AFF1: variants seen among roughly 807,000 people sequenced by gnomAD.
The protein encoded by AFF1 is ALF transcription elongation factor 1, also known as AF4/FMR2 family member 1.
In AFF1, 48 loss-of-function variants were observed where a neutral mutation model predicts 121.7. The ratio of observed to expected loss-of-function variants is 0.39; its 90% CI spans 0.31 to 0.50. The LOEUF (loss-of-function observed/expected upper bound fraction) is 0.50, where lower values mean the gene tolerates loss of function less well. Among genes scored for constraint, AFF1 ranks in the 20% least tolerant of loss-of-function variants. The pLI is 0.76. For missense variants in AFF1, 1,523 were observed against 1,511.7 expected, an observed-to-expected ratio of 1.01 and a Z score of -0.12; for synonymous variants, 613 against 563.0, an observed-to-expected ratio of 1.09 and a Z score of -1.26.
At chr4:87,068,277 A>G (rs1401045663) in intron 4 of AFF1, among the ~76,000 whole-genome samples, 1 of 119,068 alleles carries the variant, frequency 8.4e-6, no homozygotes, top group Non-Finnish European at 1.8e-5. Context: ...CACTCCATGA[A>G]TAAATTGCCT....
In AFF1 at chr4:87,114,921, G is replaced by A. The variant is rs147870545; in HGVS notation, c.2088G>A (p.Ala696=). The A allele has an allele frequency of 4.9e-4, 790 of 1,612,552 alleles. 2 individuals carry two copies. The highest frequency in any genetic ancestry group is 2.7e-3 in the African/African-American group (199 of 74,950). The part of the protein sequence containing the change: ...PSKALSGPEP[A]KDNVEDRTPE... ...AGGCTCTCTCAGGCCCAGAACCCGC[G>A]AAGGACAATGTGGAGGACAGGACCC... The change falls in exon 12 of 21, where the codon GCG becomes GCA. Residue 696 remains alanine (A), a synonymous_variant. Coordinates refer to ENST00000395146, the MANE Select transcript of AFF1 (RefSeq NM_001166693.3).
At chr4:86,969,578 A>T (rs1449133380) in intron 2 of AFF1, among the ~76,000 whole-genome samples, 1 of 1,356 alleles carries the variant, frequency 7.4e-4, no homozygotes, top group African/African-American at 8.6e-4. Flanking sequence ...AATAGTTGTT[A>T]AAAAAAAAAA....
intron 2 of AFF1, chr4:87,007,164 A>G (rs1011520281): frequency 8.9e-6 from 12 of 1,342,620 alleles, no homozygotes; most frequent in South Asian, 1.8e-5. Context: ...TCTGAAGTGC[A>G]GATCGCCGCA....
intron 2 of AFF1, 147 bp downstream of exon 2, chr4:86,948,718 T>C: frequency 2.7e-6 from 2 of 746,170 alleles, no homozygotes; most frequent in Non-Finnish European, 4.2e-6. Flanking sequence ...TTTCTCTACA[T>C]GAAGTCAAAC....
intron 1 of AFF1, among the ~76,000 whole-genome samples, chr4:86,946,565 T>G (rs1170662203): frequency 1.3e-5 from 2 of 151,468 alleles, no homozygotes; most frequent in Non-Finnish European, 2.9e-5. Context: ...CTATTTATTT[T>G]TATATTTAGC....
At chr4:87,119,215 A>T (rs544661791) in intron 12 of AFF1, among the ~76,000 whole-genome samples, 4 of 152,280 alleles carry the variant, frequency 2.6e-5, no homozygotes, top group African/African-American at 9.6e-5. Flanking sequence ...GATTTGGAAG[A>T]AAAGTTGAAC....
At chr4:87,051,993 G>A (rs191761812) in intron 4 of AFF1, among the ~76,000 whole-genome samples, 7 of 152,310 alleles carry the variant, frequency 4.6e-5, no homozygotes, top group Admixed American at 3.3e-4. Flanking sequence ...ACTTAAAAAT[G>A]GTGGTCAGCA....
chr4:86,966,411 C>T (rs1722544385), intron 2 of AFF1, among the ~76,000 whole-genome samples: 1 of 152,098 alleles, frequency 6.6e-6, no homozygotes, highest in African/African-American at 2.4e-5. Context: ...ATCTCTATCT[C>T]TGACTTGCTT....
At chr4:86,994,598 G>T (rs886820663) in intron 2 of AFF1, among the ~76,000 whole-genome samples, 1 of 152,170 alleles carries the variant, frequency 6.6e-6, no homozygotes, top group Non-Finnish European at 1.5e-5. Context: ...CTGCCTTTCT[G>T]CTCAAACAAG....
intron 2 of AFF1, among the ~76,000 whole-genome samples, chr4:86,976,833 G>A (rs1723339688): frequency 6.6e-6 from 1 of 152,186 alleles, no homozygotes; most frequent in Non-Finnish European, 1.5e-5. Context: ...GCCCATACCT[G>A]ATGTCTAGGG....
intron 2 of AFF1, among the ~76,000 whole-genome samples, chr4:86,972,731 G>T (rs950694342): frequency 1.3e-5 from 2 of 151,848 alleles, no homozygotes; most frequent in Non-Finnish European, 2.9e-5. Context: ...GTAGAGACAG[G>T]GTTTTGCTAT....
Position 87,009,647 on chromosome 4 carries a change from G to A in AFF1, c.39-36519G>A, listed in dbSNP as rs942002997. Among the ~76,000 whole-genome samples the A allele has an allele frequency of 5.3e-5, 8 of 152,160 alleles. 1 individual carries two copies. The highest frequency in any genetic ancestry group is 1.4e-4 in the African/African-American group (6 of 41,434). ...TTTTCTTTGGTTACACCTGGAATGT[G>A]GTCCAAGCTCATTCAGATAATTGTG... On this transcript the variant is annotated intron_variant, in intron 2 of 20. Transcript: ENST00000395146.
intron 2 of AFF1, among the ~76,000 whole-genome samples, chr4:86,951,974 A>G (rs1320709144): frequency 8.2e-6 from 1 of 122,050 alleles, no homozygotes; most frequent in Non-Finnish European, 1.8e-5. Flanking sequence ...ATCATTTTTT[A>G]TTAAATCACC....
chr4:86,969,419 C>T (rs1722763603), intron 2 of AFF1, among the ~76,000 whole-genome samples: 1 of 151,902 alleles, frequency 6.6e-6, no homozygotes. Context: ...GCAGAGGTTG[C>T]AGTGAGCTGA....
chr4:87,042,659 T>G (rs1397645488), intron 2 of AFF1, among the ~76,000 whole-genome samples: 1 of 152,236 alleles, frequency 6.6e-6, no homozygotes, highest in Non-Finnish European at 1.5e-5. Flanking sequence ...ATTACATGTC[T>G]GCCGATAAAA....
chr4:86,942,550 G>A (rs1453984164), intron 1 of AFF1, among the ~76,000 whole-genome samples: 1 of 152,206 alleles, frequency 6.6e-6, no homozygotes, highest in African/African-American at 2.4e-5. Flanking sequence ...ATTGCTAAGA[G>A]ACTACATTTG....
At chr4:87,046,061 T>G (rs1302141710) in intron 2 of AFF1, 105 bp from the exon 3 acceptor site, 1 of 1,388,920 alleles carries the variant, frequency 7.2e-7, no homozygotes, top group African/African-American at 1.5e-5. Flanking sequence ...TCACTGCTTC[T>G]TCCCAGACCT....
At chr4:86,976,155 A>C (rs1723287766) in intron 2 of AFF1, among the ~76,000 whole-genome samples, 1 of 152,100 alleles carries the variant, frequency 6.6e-6, no homozygotes, top group African/African-American at 2.4e-5. Context: ...CTGCAGTGGA[A>C]GGATGTGGGG....
At position 87,118,140 on chromosome 4, in the gene AFF1, A is replaced by T. The variant is rs576480243; in HGVS notation, c.2466+2841A>T. Among the ~76,000 whole-genome samples, 12 of 152,348 alleles carry T rather than the reference A, an allele frequency of 7.9e-5. 1 individual carries two copies. In the East Asian group the frequency reaches 2.1e-3, roughly 27 times the overall value. On this transcript the variant is annotated intron_variant, in intron 12 of 20. Transcript: ENST00000395146. ...GTGTTTTTATTTAAAGGCCTCTTAG[A>T]GTCTGTCCCTCTCTTGGCACAAAAT...
Sources: allele counts gnomAD v4.1 joint callset (sites outside exome capture counted in the v4.1 genomes callset), GRCh38; gene constraint gnomAD v4.1.1; transcripts MANE v1.5; gene names NCBI Gene and HGNC (gene_info 2026-07-23, HGNC 2026-07-21).